KCNJ6: variants seen among roughly 807,000 people sequenced by gnomAD.
KCNJ6 encodes the protein G protein-activated inward rectifier potassium channel 2.
In KCNJ6, 9 loss-of-function variants were observed where a neutral mutation model predicts 34.2. The ratio of observed to expected loss-of-function variants is 0.26; its 90% confidence interval spans 0.16 to 0.46. The LOEUF is 0.46. KCNJ6 is among the 20% of genes least tolerant of loss of function. The pLI is 1.00. For missense variants in KCNJ6, 236 were observed against 531.3 expected, an observed-to-expected ratio of 0.44 and a Z score of 5.46; for synonymous variants, 196 against 207.1, an observed-to-expected ratio of 0.95 and a Z score of 0.46.
rs1344088617 is a variant in KCNJ6 at position 37,623,218 on chromosome 21, G to C, written c.*1941C>G. On this transcript the variant is annotated 3_prime_UTR_variant, in exon 4 of 4. Transcript: ENST00000609713. ...AAGGTCTCTGAGATGGGAGAAGAGA[G>C]GCCCCGAGGTTATATTTAGGAGCCA... 3 of 152,384 alleles carry C rather than the reference G, an allele frequency of 2.0e-5. No homozygotes were observed. Among genetic ancestry groups the C allele is most frequent in the African/African-American group, 7.2e-5 (3 of 41,578 alleles). 9.4% of individuals were successfully genotyped at this position (152,384 alleles called of 1,614,324 possible). A position where few individuals can be genotyped will look rare whatever the true frequency, so the allele number is the denominator to read the frequency against.
At chr21:37,761,406 TTGTG>T (rs146306512) in intron 2 of KCNJ6, among the ~76,000 whole-genome samples, 4 of 150,110 alleles carry the variant, frequency 2.7e-5, no homozygotes, top group East Asian at 1.9e-4. Flanking sequence ...GTGTGTATAT[TTGTG>T]TATGTGGTGT....
intron 3 of KCNJ6, among the ~76,000 whole-genome samples, chr21:37,691,386 T>G (rs1156355799): frequency 6.6e-6 from 1 of 152,190 alleles, no homozygotes; most frequent in Non-Finnish European, 1.5e-5. Flanking sequence ...AAATCTTAAC[T>G]TTCTGATGAT....
intron 1 of KCNJ6, among the ~76,000 whole-genome samples, chr21:37,900,861 C>G (rs1470334254): frequency 6.6e-6 from 1 of 152,106 alleles, no homozygotes; most frequent in African/African-American, 2.4e-5. Flanking sequence ...GCAAACCACT[C>G]CTCATTCCTG....
rs2054235237 is a variant in KCNJ6, at chr21:37,609,542, C to T, written c.*15617G>A. On this transcript the variant is annotated 3_prime_UTR_variant, in exon 4 of 4. Transcript: ENST00000609713. The stretch of plus-strand genomic sequence containing the variant: ...AAACATTTTGGGCCTTAATATAATG[C>T]CATTTTATTAGGAAAGACAAATACA... The T allele has an allele frequency of 6.6e-6, 1 of 151,944 alleles. No homozygotes were observed. Among genetic ancestry groups the T allele is most frequent in the Non-Finnish European group, 1.5e-5 (1 of 68,002 alleles). 9.4% of individuals were successfully genotyped at this position (151,944 alleles called of 1,614,324 possible).
chr21:37,645,215 A>T (rs979493334), intron 3 of KCNJ6, among the ~76,000 whole-genome samples: 1 of 151,908 alleles, frequency 6.6e-6, no homozygotes, highest in Non-Finnish European at 1.5e-5. Context: ...CTCTACATAA[A>T]ATAAAACAAA....
At chr21:37,691,707 G>A (rs144812140) in intron 3 of KCNJ6, among the ~76,000 whole-genome samples, 1 of 152,144 alleles carries the variant, frequency 6.6e-6, no homozygotes, top group Non-Finnish European at 1.5e-5. Flanking sequence ...TATGACAGTG[G>A]GATATAGTGA....
chr21:37,731,954 G>C (rs2054887787), intron 2 of KCNJ6, among the ~76,000 whole-genome samples: 1 of 152,220 alleles, frequency 6.6e-6, no homozygotes, highest in African/African-American at 2.4e-5. Flanking sequence ...CTCTGAATAG[G>C]GTGGTCAGGA....
chr21:37,667,547 G>A (rs1180337579), intron 3 of KCNJ6, among the ~76,000 whole-genome samples: 1 of 150,598 alleles, frequency 6.6e-6, no homozygotes, highest in African/African-American at 2.4e-5. Flanking sequence ...CCGGGGTAGC[G>A]GGCGCCGGGG....
intron 2 of KCNJ6, among the ~76,000 whole-genome samples, chr21:37,753,079 T>C (rs1408951371): frequency 6.6e-6 from 1 of 152,126 alleles, no homozygotes; most frequent in Non-Finnish European, 1.5e-5. Flanking sequence ...GACTGAGTGC[T>C]GAGGGTGGGC....
At chr21:37,770,959 C>T (rs1239747839) in intron 2 of KCNJ6, among the ~76,000 whole-genome samples, 1 of 152,016 alleles carries the variant, frequency 6.6e-6, no homozygotes, top group African/African-American at 2.4e-5. Context: ...TGTAGAATGT[C>T]AAAGGATAAG....
At chr21:37,625,548 A>C in intron 3 of KCNJ6, 64 bp from the exon 4 acceptor site, 1 of 1,256,892 alleles carries the variant, frequency 8.0e-7, no homozygotes, top group South Asian at 1.4e-5. Context: ...CCAAGGAGTC[A>C]CAGAGAGCCA....
chr21:37,822,624 G>A (rs2055378865), intron 2 of KCNJ6, among the ~76,000 whole-genome samples: 1 of 152,178 alleles, frequency 6.6e-6, no homozygotes, highest in Non-Finnish European at 1.5e-5. Flanking sequence ...GGGGTCTATG[G>A]CTTTGTTGGA....
At chr21:37,628,890 T>C (rs2054322167) in intron 3 of KCNJ6, among the ~76,000 whole-genome samples, 1 of 152,144 alleles carries the variant, frequency 6.6e-6, no homozygotes, top group African/African-American at 2.4e-5. Flanking sequence ...GAAGACATTA[T>C]TAAAAGCACT....
intron 3 of KCNJ6, among the ~76,000 whole-genome samples, chr21:37,685,887 T>A (rs184837915): frequency 9.5e-4 from 144 of 152,052 alleles, no homozygotes; most frequent in African/African-American, 2.6e-3. Flanking sequence ...TTGTGGTATA[T>A]GTTAAATTAA....
Position 37,891,253 on chromosome 21 carries a change from A to G in KCNJ6, c.-28+24631T>C, listed in dbSNP as rs546958404. Among the ~76,000 whole-genome samples, 4 of 139,492 alleles carry G rather than the reference A, an allele frequency of 2.9e-5. No homozygotes were observed. In the East Asian group the frequency reaches 7.6e-4, roughly 27 times the overall value. 91.5% of individuals were successfully genotyped at this position (139,492 alleles called of 152,430 possible). A position where few individuals can be genotyped will look rare whatever the true frequency, so the allele number is the denominator to read the frequency against. On this transcript the variant is annotated intron_variant, in intron 1 of 3. Transcript: ENST00000609713. ...GGTTAGGGGAACCACACACAGACAC[A>G]CACAGGCAAAGACACACACACAGAG...
At chr21:37,775,039 A>T (rs2055135456) in intron 2 of KCNJ6, among the ~76,000 whole-genome samples, 1 of 152,098 alleles carries the variant, frequency 6.6e-6, no homozygotes, top group African/African-American at 2.4e-5. Flanking sequence ...AATGATCACC[A>T]TTCTAACTGG....
chr21:37,756,222 C>T (rs2055023970), intron 2 of KCNJ6, among the ~76,000 whole-genome samples: 1 of 151,980 alleles, frequency 6.6e-6, no homozygotes, highest in Admixed American at 6.5e-5. Flanking sequence ...TAAAAACCAA[C>T]AAAAGTAGGA....
At position 37,757,931 on chromosome 21, in the gene KCNJ6, T is replaced by C. The variant is rs116475704; in HGVS notation, c.26-42800A>G. 3.9e-3 allele frequency among the ~76,000 whole-genome samples: 601 copies of C among 152,350 alleles called. 2 individuals are homozygous for C. The highest frequency in any genetic ancestry group is 0.014 in the African/African-American group (579 of 41,574). ...AACAGAAAGGCCTCACAATGTCAAATCTTAGAATGAGATCAGGTTTCCAGC... is the reference window on the plus strand; with the variant it reads ...AACAGAAAGGCCTCACAATGTCAAACCTTAGAATGAGATCAGGTTTCCAGC... On this transcript the variant is annotated intron_variant, in intron 2 of 3. Coordinates refer to ENST00000609713, the MANE Select transcript of KCNJ6 (RefSeq NM_002240.5).
chr21:37,915,028 T>C (rs1466676394), intron 1 of KCNJ6, among the ~76,000 whole-genome samples: 1 of 152,080 alleles, frequency 6.6e-6, no homozygotes. Flanking sequence ...TCTATTAAGA[T>C]ATATTTTCCC....
Sources: gnomAD v4.1 joint callset for allele counts (sites outside exome capture counted in the v4.1 genomes callset) on GRCh38, gnomAD v4.1.1 for gene constraint, MANE v1.5 for transcripts, NCBI Gene and HGNC (gene_info 2026-07-23, HGNC 2026-07-21) for gene names.